Variants in ZNF680 observed in about 807,000 individuals in gnomAD.
ZNF680 encodes the protein zinc finger protein 680.
In ZNF680, 6 loss-of-function variants were observed where a neutral mutation model predicts 12.1. The ratio of observed to expected loss-of-function variants is 0.49; its 90% CI spans 0.27 to 0.98. The LOEUF is 0.98. Ranked by LOEUF, ZNF680 falls within the 50% of genes least tolerant of loss-of-function variation. The pLI, the probability that ZNF680 is intolerant of heterozygous loss-of-function variation, is 0.12. For missense variants in ZNF680, 561 were observed against 616.3 expected (o/e 0.91, Z 0.95); for synonymous variants, 170 against 199.3 (o/e 0.85, Z 1.24).
chr7:64,561,717 GAGGTC>G (rs1787745413), intron 1 of ZNF680, among the ~76,000 whole-genome samples: 1 of 146,444 alleles, frequency 6.8e-6, no homozygotes, highest in South Asian at 2.2e-4. Flanking sequence ...GGTGGATTAC[GAGGTC>G]AGGAGATCAA....
chr7:64,554,474 T>C (rs1268175438), intron 1 of ZNF680, among the ~76,000 whole-genome samples: 1 of 152,000 alleles, frequency 6.6e-6, no homozygotes, highest in East Asian at 1.9e-4. Context: ...TCTGACCGGC[T>C]GCCCCGTCTG....
At chr7:64,522,812 C>G (rs1203099569) in intron 3 of ZNF680, among the ~76,000 whole-genome samples, 1 of 151,280 alleles carries the variant, frequency 6.6e-6, no homozygotes, top group Non-Finnish European at 1.5e-5. Flanking sequence ...TTTAAATAAC[C>G]AGTGAATTTG....
chr7:64,516,038 A>C (rs544402904), downstream of ZNF680, among the ~76,000 whole-genome samples: 20 of 152,276 alleles, frequency 1.3e-4, no homozygotes, highest in Non-Finnish European at 2.5e-4. Flanking sequence ...AAGCTAAGTC[A>C]CAAGATCTCC....
At chr7:64,550,861 G>A (rs932826694) in intron 1 of ZNF680, among the ~76,000 whole-genome samples, 10 of 152,128 alleles carry the variant, frequency 6.6e-5, no homozygotes, top group African/African-American at 2.4e-4. Context: ...CTTGGTTGGC[G>A]CCTTATATGT....
chr7:64,526,844 G>T (rs1791878607), intron 3 of ZNF680, among the ~76,000 whole-genome samples: 1 of 152,174 alleles, frequency 6.6e-6, no homozygotes, highest in African/African-American at 2.4e-5. Flanking sequence ...TTAACTTTAA[G>T]ATGTTTTATG....
the ZNF680 span, among the ~76,000 whole-genome samples, chr7:64,514,006 C>A: frequency 1.3e-5 from 2 of 152,168 alleles, no homozygotes; most frequent in South Asian, 2.1e-4. Flanking sequence ...AATTTTAAAT[C>A]ATCATTTTAG....
chr7:64,528,312 G>A (rs971341766), intron 3 of ZNF680, among the ~76,000 whole-genome samples: 42 of 152,108 alleles, frequency 2.8e-4, no homozygotes, highest in African/African-American at 9.9e-4. Flanking sequence ...GCCAGAACTC[G>A]GCAAAGGGCG....
the ZNF680 span, among the ~76,000 whole-genome samples, chr7:64,509,420 A>G: frequency 2.0e-5 from 3 of 152,204 alleles, no homozygotes; most frequent in African/African-American, 7.2e-5. Context: ...TGTCCCCAAC[A>G]AAGAAAGGCA....
At chr7:64,542,372 A>C (rs1786551241) in intron 3 of ZNF680, among the ~76,000 whole-genome samples, 1 of 152,252 alleles carries the variant, frequency 6.6e-6, no homozygotes, top group Non-Finnish European at 1.5e-5. Flanking sequence ...TATGTGGCAG[A>C]AAAATTAGTC....
chr7:64,548,418 A>G (rs933357451), intron 1 of ZNF680, among the ~76,000 whole-genome samples: 1 of 152,202 alleles, frequency 6.6e-6, no homozygotes, highest in Non-Finnish European at 1.5e-5. Context: ...TACTGCTTCA[A>G]CCATTTATCC....
chr7:64,549,697 G>A (rs1786969513), intron 1 of ZNF680, among the ~76,000 whole-genome samples: 1 of 151,166 alleles, frequency 6.6e-6, no homozygotes, highest in Non-Finnish European at 1.5e-5. Flanking sequence ...AAAAAACTGA[G>A]ACACTGGACG....
intron 1 of ZNF680, among the ~76,000 whole-genome samples, chr7:64,545,263 C>CAAAAAAAAAA (rs532422147): frequency 1.1e-5 from 1 of 89,744 alleles, no homozygotes. Context: ...GACTCCATCT[C>CAAAAAAAAAA]AAAAAAAAAA....
rs534069066 is a variant in ZNF680 at position 64,562,231 on chromosome 7, CAAAAAAA to C, written c.30+687_30+693del. 1.3e-4 allele frequency among the ~76,000 whole-genome samples: 12 copies of C among 92,580 alleles called. No homozygotes were observed. The East Asian group carries it at 3.5e-3, about 27-fold the overall frequency. The allele number at this position is 92,580 out of a possible 152,430, so 60.7% of individuals were successfully genotyped here. On this transcript the variant is annotated intron_variant, in intron 1 of 3. Coordinates refer to ENST00000309683, the MANE Select transcript of ZNF680 (RefSeq NM_178558.5). ...TGGGCGACAGAGCGAGACTCCGTTTCAAAAAAAAAAAAAAAAAAATCTAACTCAAATA... is the reference window on the plus strand; with the variant it reads ...TGGGCGACAGAGCGAGACTCCGTTTCAAAAAAAAAAAATCTAACTCAAATA...
chr7:64,526,510 G>T, intron 3 of ZNF680: 1 of 733,412 alleles, frequency 1.4e-6, no homozygotes, highest in Non-Finnish European at 2.2e-6. Context: ...GAGCAACACA[G>T]TAAGACTCTG....
At chr7:64,513,339 A>G in the ZNF680 span, among the ~76,000 whole-genome samples, 1 of 151,688 alleles carries the variant, frequency 6.6e-6, no homozygotes, top group Non-Finnish European at 1.5e-5. Flanking sequence ...CTTTAAGCAA[A>G]TTGTAAAAAA....
At position 64,543,802 on chromosome 7, in the gene ZNF680, C is replaced by A; in HGVS notation, c.158G>T (p.Gly53Val). The A allele has an allele frequency of 6.2e-7, 1 of 1,611,728 alleles. No individual in the cohort carries two copies. The highest frequency in any genetic ancestry group is 8.5e-7 in the Non-Finnish European group (1 of 1,178,590). ...CAGGTGAGGCTTAGAGACAGCAATA[C>A]CTGTTTTATTAAAAATAAATAACAT... ...FENYRNLVFL[G>V]IAVSKPHLIT... The change falls in exon 3 of 4, where the codon GGT becomes GTT. Residue 53 changes from glycine to valine, a missense_variant and splice_region_variant. Coordinates refer to ENST00000309683, the MANE Select transcript of ZNF680 (RefSeq NM_178558.5).
intron 1 of ZNF680, 117 bp downstream of exon 1, chr7:64,562,808 A>T: frequency 8.2e-7 from 1 of 1,214,616 alleles, no homozygotes. Context: ...GCCAAGGACA[A>T]CTCGGGCCGC....
chr7:64,542,230 A>G (rs866686408), intron 3 of ZNF680, among the ~76,000 whole-genome samples: 1 of 142,702 alleles, frequency 7.0e-6, no homozygotes, highest in East Asian at 1.9e-4. Flanking sequence ...TGAGAACCCA[A>G]CAAAAAAAAT....
At chr7:64,528,345 C>G (rs1430026601) in intron 3 of ZNF680, among the ~76,000 whole-genome samples, 2 of 152,202 alleles carry the variant, frequency 1.3e-5, no homozygotes, top group East Asian at 3.9e-4. Flanking sequence ...ATCCATCCTG[C>G]AGACTCCACA....
Sources: gnomAD v4.1 joint callset for allele counts (sites outside exome capture counted in the v4.1 genomes callset) on GRCh38, gnomAD v4.1.1 for gene constraint, MANE v1.5 for transcripts, NCBI Gene and HGNC (gene_info 2026-07-23, HGNC 2026-07-21) for gene names.